CRTAC1: variants seen among roughly 807,000 people sequenced by gnomAD.
CRTAC1 encodes the protein acidic secreted protein in cartilage.
Under a neutral mutation model 67.8 loss-of-function variants are expected in CRTAC1, and 37 were observed. The observed-to-expected ratio is 0.55, with a 90% CI of 0.42 to 0.72. The LOEUF is 0.72. Ranked by LOEUF, CRTAC1 falls within the 30% of genes least tolerant of loss-of-function variation. CRTAC1 has a pLI of 0.00. For missense variants in CRTAC1, 780 were observed against 931.6 expected (o/e 0.84, Z 2.12); for synonymous variants, 348 against 371.0 (o/e 0.94, Z 0.71).
At chr10:97,979,808 A>G (rs2136661933) in intron 2 of CRTAC1, among the ~76,000 whole-genome samples, 1 of 152,212 alleles carries the variant, frequency 6.6e-6, no homozygotes, top group African/African-American at 2.4e-5. Context: ...GGGTCCCCAG[A>G]TGGTTCTAAC....
intron 1 of CRTAC1, among the ~76,000 whole-genome samples, chr10:98,018,884 A>G (rs747313275): frequency 3.3e-5 from 5 of 152,206 alleles, no homozygotes; most frequent in African/African-American, 9.6e-5. Flanking sequence ...CTGGAACTCA[A>G]GCAACACTGG....
At chr10:97,949,939 T>C (rs2051324573) in intron 2 of CRTAC1, among the ~76,000 whole-genome samples, 1 of 152,232 alleles carries the variant, frequency 6.6e-6, no homozygotes, top group South Asian at 2.1e-4. Flanking sequence ...CTTTTTCTCC[T>C]TATATACTCA....
chr10:97,958,987 G>A (rs1462527335), intron 2 of CRTAC1, among the ~76,000 whole-genome samples: 5 of 152,158 alleles, frequency 3.3e-5, no homozygotes, highest in Admixed American at 1.3e-4. Flanking sequence ...AAATCTGAGC[G>A]CTACCCGTTC....
intron 8 of CRTAC1, among the ~76,000 whole-genome samples, chr10:97,898,365 G>A (rs935551454): frequency 6.6e-6 from 1 of 152,174 alleles, no homozygotes; most frequent in African/African-American, 2.4e-5. Flanking sequence ...GGCAATCAGG[G>A]AAGTCTCCCT....
In CRTAC1 at chr10:98,030,477, C is replaced by T. The variant is rs989230784; in HGVS notation, c.-5G>A. 2.4e-6 allele frequency: 3 copies of T among 1,247,416 alleles called. No individual in the cohort carries two copies. Among genetic ancestry groups the T allele is most frequent in the Non-Finnish European group, 3.0e-6 (3 of 988,156 alleles). 77.3% of individuals were successfully genotyped at this position (1,247,416 alleles called of 1,614,324 possible). A position where few individuals can be genotyped will look rare whatever the true frequency, so the allele number is the denominator to read the frequency against. On this transcript the variant is annotated 5_prime_UTR_variant, in exon 1 of 15. Coordinates refer to ENST00000370597, the MANE Select transcript of CRTAC1 (RefSeq NM_018058.7). This position sits in a 1 kb window ranked among gnomAD's most constrained non-coding sequence, Gnocchi z 4.2. ...GGGGTCAGCGCTCGGAGCCATCCTC[C>T]CGCTCTCGGCCCCGCCGCCTAGGGG...
intron 14 of CRTAC1, chr10:97,879,717 C>A: frequency 6.4e-7 from 1 of 1,550,562 alleles, no homozygotes. Flanking sequence ...AAGTCCAAGG[C>A]CTAGAGAAAG....
chr10:98,017,311 T>G (rs1233420705), intron 1 of CRTAC1, among the ~76,000 whole-genome samples: 1 of 152,004 alleles, frequency 6.6e-6, no homozygotes, highest in Non-Finnish European at 1.5e-5. Flanking sequence ...TAACACCCCG[T>G]GTAAAGGCAA....
intron 9 of CRTAC1, 74 bp downstream of exon 9, chr10:97,896,835 C>CCCA: frequency 1.7e-6 from 1 of 577,042 alleles, no homozygotes. Flanking sequence ...CTGCCCCGTC[C>CCCA]CTCCCGCCCT....
At chr10:97,920,387 G>A (rs1430805184) in intron 4 of CRTAC1, among the ~76,000 whole-genome samples, 1 of 152,186 alleles carries the variant, frequency 6.6e-6, no homozygotes, top group Non-Finnish European at 1.5e-5. Flanking sequence ...GGTAATTCTG[G>A]GAGGGTGAGA....
intron 1 of CRTAC1, among the ~76,000 whole-genome samples, chr10:98,020,057 GT>G (rs1276495549): frequency 6.6e-6 from 1 of 152,144 alleles, no homozygotes; most frequent in Non-Finnish European, 1.5e-5. Context: ...ATCCTGCTCA[GT>G]TTTTCCACCT....
chr10:98,011,619 C>T (rs1842910506), intron 1 of CRTAC1, among the ~76,000 whole-genome samples: 1 of 152,132 alleles, frequency 6.6e-6, no homozygotes, highest in South Asian at 2.1e-4. Context: ...GTATAATTTA[C>T]TTATGATTAC....
At chr10:97,950,540 G>A (rs998937742) in intron 2 of CRTAC1, among the ~76,000 whole-genome samples, 2 of 152,210 alleles carry the variant, frequency 1.3e-5, no homozygotes, top group Non-Finnish European at 2.9e-5. Flanking sequence ...CGTGGTCTGA[G>A]GTCTGGGTTG....
intron 7 of CRTAC1, 114 bp from the exon 8 acceptor site, chr10:97,901,753 G>C: frequency 7.6e-7 from 1 of 1,320,230 alleles, no homozygotes; most frequent in Non-Finnish European, 1.0e-6. Flanking sequence ...CAACCCAAAA[G>C]CTCCTCTCCT....
intron 14 of CRTAC1, 84 bp downstream of exon 14, chr10:97,880,165 G>C: frequency 6.7e-7 from 1 of 1,489,894 alleles, no homozygotes; most frequent in East Asian, 2.3e-5. Flanking sequence ...AGGGGCTGGG[G>C]ACCTTGATCT....
intron 4 of CRTAC1, among the ~76,000 whole-genome samples, chr10:97,918,710 T>C (rs185134589): frequency 1.2e-4 from 19 of 152,302 alleles, no homozygotes; most frequent in African/African-American, 4.6e-4. Flanking sequence ...CTTCAATGTC[T>C]CATCCATTGG....
chr10:97,931,146 T>C (rs2050997750), intron 3 of CRTAC1, among the ~76,000 whole-genome samples: 1 of 35,330 alleles, frequency 2.8e-5, no homozygotes, highest in African/African-American at 4.6e-5. Flanking sequence ...TGCACTTAGA[T>C]ATAATTTTTC....
chr10:98,012,226 G>A (rs1321122097), intron 1 of CRTAC1, among the ~76,000 whole-genome samples: 1 of 152,180 alleles, frequency 6.6e-6, no homozygotes, highest in East Asian at 1.9e-4. Flanking sequence ...AACTCAGGGT[G>A]TTGCCAAGTA....
chr10:97,978,020 G>A (rs1229391610), intron 2 of CRTAC1, among the ~76,000 whole-genome samples: 1 of 152,154 alleles, frequency 6.6e-6, no homozygotes, highest in Non-Finnish European at 1.5e-5. Context: ...GGACTGCTGG[G>A]TGGAGTGCCA....
chr10:97,892,552 G>A (rs1439774289), intron 11 of CRTAC1, among the ~76,000 whole-genome samples: 2 of 152,228 alleles, frequency 1.3e-5, no homozygotes, highest in African/African-American at 4.8e-5. Flanking sequence ...CTCTGTAGAT[G>A]TGTGGTTTGG....
Sources: gnomAD v4.1 joint callset for allele counts (sites outside exome capture counted in the v4.1 genomes callset) on GRCh38, gnomAD v4.1.1 for gene constraint, Gnocchi (gnomAD v3.1) non-coding constraint, MANE v1.5 for transcripts, NCBI Gene and HGNC (gene_info 2026-07-23, HGNC 2026-07-21) for gene names.